The following SUMF1 variants were observed in gnomAD, a reference collection of about 807,000 sequenced individuals.
SUMF1 encodes sulfatase modifying factor 1, also known as formylglycine-generating enzyme.
SUMF1 carries 48 observed loss-of-function variants against 47.6 expected under a neutral mutation model. That is an observed-to-expected ratio of 1.01 (90% CI 0.80 to 1.28). The LOEUF is 1.28. SUMF1 is among the 50% of genes most tolerant of loss of function. The pLI is 0.00. For missense variants in SUMF1, 571 were observed against 485.4 expected, an observed-to-expected ratio of 1.18 and a Z score of -1.66; for synonymous variants, 230 against 192.1, an observed-to-expected ratio of 1.20 and a Z score of -1.63.
At chr3:4,283,068 T>TG (rs1336993208) in intron 8 of SUMF1, among the ~76,000 whole-genome samples, 3 of 152,190 alleles carry the variant, frequency 2.0e-5, no homozygotes, top group African/African-American at 7.2e-5. Context: ...TGAATGGAAT[T>TG]GATGACCTGC....
At chr3:4,251,447 A>T (rs576201232) in intron 8 of SUMF1, among the ~76,000 whole-genome samples, 1 of 152,374 alleles carries the variant, frequency 6.6e-6, no homozygotes, top group South Asian at 2.1e-4. Context: ...AATTTAGTCA[A>T]TAAAGCAGCA....
At chr3:4,217,262 G>A (rs1290487984) in intron 8 of SUMF1, among the ~76,000 whole-genome samples, 1 of 151,038 alleles carries the variant, frequency 6.6e-6, no homozygotes, top group East Asian at 2.0e-4. Flanking sequence ...ACTATCACAA[G>A]AACAGAAAAC....
chr3:4,354,125 GA>G (rs1483586371), intron 8 of SUMF1, among the ~76,000 whole-genome samples: 2 of 152,138 alleles, frequency 1.3e-5, no homozygotes, highest in Non-Finnish European at 2.9e-5. Flanking sequence ...AAAGTGCTAG[GA>G]TTACTGGCAT....
intron 8 of SUMF1, among the ~76,000 whole-genome samples, chr3:4,252,013 T>C (rs750629186): frequency 3.3e-5 from 5 of 152,192 alleles, no homozygotes; most frequent in African/African-American, 4.8e-5. Flanking sequence ...ATTCAATTTG[T>C]TGTGCTGGTC....
chr3:4,330,636 G>A (rs990439443), intron 8 of SUMF1, among the ~76,000 whole-genome samples: 2 of 152,116 alleles, frequency 1.3e-5, no homozygotes, highest in Admixed American at 6.5e-5. Context: ...ATTTGGGTGG[G>A]GACACAGCCA....
At chr3:4,429,856 T>G (rs891886298) in intron 3 of SUMF1, among the ~76,000 whole-genome samples, 2 of 152,098 alleles carry the variant, frequency 1.3e-5, no homozygotes, top group African/African-American at 4.8e-5. Context: ...GCACATCTCA[T>G]CTCACCGGGC....
intron 8 of SUMF1, among the ~76,000 whole-genome samples, chr3:4,367,111 G>A (rs972775376): frequency 2.6e-5 from 4 of 152,008 alleles, no homozygotes; most frequent in Admixed American, 6.5e-5. Flanking sequence ...GCCGTGTGAG[G>A]TGTCAGTCTG....
At chr3:4,079,346 T>G (rs527317375) in intron 8 of SUMF1, among the ~76,000 whole-genome samples, 1 of 152,226 alleles carries the variant, frequency 6.6e-6, no homozygotes, top group Admixed American at 6.5e-5. Context: ...ATGCCCATTT[T>G]GATCTGATCG....
chr3:4,211,722 C>T (rs926509014), intron 8 of SUMF1, among the ~76,000 whole-genome samples: 4 of 152,098 alleles, frequency 2.6e-5, no homozygotes, highest in Non-Finnish European at 5.9e-5. Context: ...ATCACTTCAT[C>T]CTCACCAGAT....
chr3:4,195,036 G>A (rs1695398582), intron 8 of SUMF1, among the ~76,000 whole-genome samples: 1 of 152,104 alleles, frequency 6.6e-6, no homozygotes, highest in Non-Finnish European at 1.5e-5. Context: ...CTTGTCTGTG[G>A]AGGCTTAAAT....
chr3:4,330,549 G>C (rs189499139), intron 8 of SUMF1, among the ~76,000 whole-genome samples: 1 of 152,110 alleles, frequency 6.6e-6, no homozygotes, highest in Non-Finnish European at 1.5e-5. Context: ...ACAGTATGGG[G>C]GAAACTGCCA....
At chr3:4,143,023 C>T (rs1694108980) in intron 8 of SUMF1, among the ~76,000 whole-genome samples, 1 of 152,052 alleles carries the variant, frequency 6.6e-6, no homozygotes, top group South Asian at 2.1e-4. Flanking sequence ...AAGTTTGGGA[C>T]TCTCTGGAGG....
At chr3:4,411,122 A>G in intron 6 of SUMF1, 144 bp from the exon 7 acceptor site, 1 of 783,400 alleles carries the variant, frequency 1.3e-6, no homozygotes, top group Non-Finnish European at 2.2e-6. Flanking sequence ...TTTGACCAAC[A>G]TAAAGACAAA....
chr3:4,042,700 T>C (rs1694929904), intron 9 of SUMF1, among the ~76,000 whole-genome samples: 1 of 152,226 alleles, frequency 6.6e-6, no homozygotes, highest in African/African-American at 2.4e-5. Flanking sequence ...TCTCATGCAC[T>C]ATTCCCAAAT....
At chr3:4,387,676 T>C (rs566314180) in intron 7 of SUMF1, among the ~76,000 whole-genome samples, 2 of 152,104 alleles carry the variant, frequency 1.3e-5, no homozygotes, top group South Asian at 2.1e-4. Flanking sequence ...AACATATTGA[T>C]TTTAGACTTT....
intron 7 of SUMF1, among the ~76,000 whole-genome samples, chr3:4,389,710 C>G (rs1346227968): frequency 3.3e-5 from 5 of 152,160 alleles, no homozygotes; most frequent in Admixed American, 2.0e-4. Flanking sequence ...GTTGACAGTT[C>G]ACTGATTTTT....
intron 4 of SUMF1, 118 bp from the exon 5 acceptor site, chr3:4,418,250 T>C: frequency 2.7e-6 from 4 of 1,460,804 alleles, no homozygotes; most frequent in Non-Finnish European, 3.8e-6. Flanking sequence ...GAGGTCATCC[T>C]GGTCCTTAAG....
At chr3:4,352,411 C>A (rs1221074141) in intron 8 of SUMF1, among the ~76,000 whole-genome samples, 1 of 152,114 alleles carries the variant, frequency 6.6e-6, no homozygotes, top group African/African-American at 2.4e-5. Flanking sequence ...ATAGAACAAC[C>A]ACAATTTACC....
At chr3:4,298,361 C>G (rs1013708042) in intron 8 of SUMF1, among the ~76,000 whole-genome samples, 6 of 152,208 alleles carry the variant, frequency 3.9e-5, no homozygotes, top group Non-Finnish European at 8.8e-5. Context: ...CAAACATCCT[C>G]TCATTATTTT....
Sources: allele counts gnomAD v4.1 joint callset (sites outside exome capture counted in the v4.1 genomes callset), GRCh38; gene constraint gnomAD v4.1.1; transcripts MANE v1.5; gene names NCBI Gene and HGNC (gene_info 2026-07-23, HGNC 2026-07-21).